The following TRAPPC9 variants were observed in gnomAD, a reference collection of about 807,000 sequenced individuals.
TRAPPC9 encodes the protein trafficking protein particle complex subunit 9, also known as IKK2 binding protein.
In TRAPPC9, 83 loss-of-function variants were observed where a neutral mutation model predicts 124.0. That is an observed-to-expected ratio of 0.67 (90% CI 0.56 to 0.80). The LOEUF (loss-of-function observed/expected upper bound fraction) is 0.80. Among genes scored for constraint, TRAPPC9 ranks in the 30% least tolerant of loss-of-function variants. TRAPPC9 has a pLI of 0.00. For synonymous variants in TRAPPC9, 638 were observed against 617.5 expected (o/e 1.03, Z -0.49); for missense variants, 1,302 against 1,508.3 (o/e 0.86, Z 2.27).
Position 140,084,018 on chromosome 8 carries a change from G to C in TRAPPC9, c.2557-59939C>G, listed in dbSNP as rs547195110. 2.0e-5 allele frequency among the ~76,000 whole-genome samples: 3 copies of C among 152,038 alleles called. No individual in the cohort carries two copies. In the East Asian group the frequency reaches 5.8e-4, roughly 29 times the overall value. On this transcript the variant is annotated intron_variant, in intron 17 of 22. Coordinates refer to ENST00000438773, the MANE Select transcript of TRAPPC9 (RefSeq NM_001160372.4). ...GATTCAGGATCTTGCTGTGTTGCTC[G>C]GACTAGAGTGCAGTGGCTGTTCACA...
chr8:140,441,693 T>C (rs1234158000), intron 2 of TRAPPC9, among the ~76,000 whole-genome samples: 2 of 152,000 alleles, frequency 1.3e-5, no homozygotes, highest in Non-Finnish European at 1.5e-5. Flanking sequence ...GCCTCCCAAG[T>C]AACTGGGACT....
chr8:139,929,971 C>T (rs7350100), intron 19 of TRAPPC9, among the ~76,000 whole-genome samples: 1 of 152,226 alleles, frequency 6.6e-6, no homozygotes, highest in Non-Finnish European at 1.5e-5. Context: ...GGAGCAGCAC[C>T]TGACACACAG....
intron 19 of TRAPPC9, among the ~76,000 whole-genome samples, chr8:139,950,981 C>T (rs2665917): frequency 0.36 from 54,799 of 152,018 alleles, 11,924 homozygotes; most frequent in Non-Finnish European, 0.48. Flanking sequence ...CCGAGGACAA[C>T]GCCCTGCCAA....
At chr8:140,320,933 A>T (rs771803627) in intron 9 of TRAPPC9, among the ~76,000 whole-genome samples, 11 of 152,200 alleles carry the variant, frequency 7.2e-5, no homozygotes, top group Non-Finnish European at 1.6e-4. Context: ...GCCCATTACG[A>T]GTACACCTGT....
At chr8:140,017,873 T>C (rs920470264) in intron 18 of TRAPPC9, among the ~76,000 whole-genome samples, 2 of 152,172 alleles carry the variant, frequency 1.3e-5, no homozygotes, top group Admixed American at 1.3e-4. Flanking sequence ...ATACAGAGTC[T>C]CGTTCTGTTG....
chr8:139,790,645 T>G (rs1028404370), intron 21 of TRAPPC9, among the ~76,000 whole-genome samples: 3 of 152,138 alleles, frequency 2.0e-5, no homozygotes, highest in African/African-American at 7.2e-5. Flanking sequence ...GTAGAGAGCA[T>G]GGACGCCGCT....
chr8:139,849,869 GGCTCA>G (rs1334804995), intron 21 of TRAPPC9, among the ~76,000 whole-genome samples: 1 of 152,216 alleles, frequency 6.6e-6, no homozygotes, highest in African/African-American at 2.4e-5. Context: ...ACTTCGCCCT[GGCTCA>G]GAACCAGTGT....
At chr8:139,991,541 G>A (rs1039161821) in intron 18 of TRAPPC9, among the ~76,000 whole-genome samples, 1 of 151,410 alleles carries the variant, frequency 6.6e-6, no homozygotes, top group African/African-American at 2.4e-5. Flanking sequence ...TAAGGCTGAT[G>A]CTCTGAGCAT....
chr8:140,248,279 C>G (rs2064034609), intron 16 of TRAPPC9, among the ~76,000 whole-genome samples: 1 of 152,226 alleles, frequency 6.6e-6, no homozygotes, highest in African/African-American at 2.4e-5. Flanking sequence ...CTTCTGCTAT[C>G]CCACCTCTGT....
chr8:140,169,684 C>T (rs938391910), intron 17 of TRAPPC9, among the ~76,000 whole-genome samples: 18 of 152,088 alleles, frequency 1.2e-4, no homozygotes, highest in African/African-American at 4.3e-4. Flanking sequence ...TATATGATTC[C>T]GTTTATAGGA....
rs148911743 is a variant in TRAPPC9 at position 140,369,016 on chromosome 8, C to T, written c.1351+1948G>A. Among the ~76,000 whole-genome samples the T allele has an allele frequency of 2.5e-4, 38 of 152,342 alleles. No individual in the cohort carries two copies. The East Asian group carries it at 6.7e-3, about 27-fold the overall frequency. Reference sequence around the variant, plus strand: ...ACAGTTCCATGGTGTGCGTGCCGTCCATGGCTGCTTTCACACCACAACAGC... The same window carrying T: ...ACAGTTCCATGGTGTGCGTGCCGTCTATGGCTGCTTTCACACCACAACAGC... On this transcript the variant is annotated intron_variant, in intron 8 of 22. Transcript: ENST00000438773.
At chr8:139,964,544 A>G (rs1227057487) in intron 19 of TRAPPC9, among the ~76,000 whole-genome samples, 4 of 152,158 alleles carry the variant, frequency 2.6e-5, no homozygotes, top group Non-Finnish European at 5.9e-5. Context: ...CAGGATCCTC[A>G]TCTGTGAGGC....
intron 19 of TRAPPC9, among the ~76,000 whole-genome samples, chr8:139,911,727 CT>C (rs61563614): frequency 1.4e-4 from 20 of 147,450 alleles, no homozygotes; most frequent in Admixed American, 2.0e-4. Context: ...AAAAGTAGGC[CT>C]TTTTTTTTTA....
chr8:139,952,342 G>A (rs752157760), intron 19 of TRAPPC9, among the ~76,000 whole-genome samples: 22 of 152,350 alleles, frequency 1.4e-4, no homozygotes, highest in Middle Eastern at 3.4e-3. Context: ...GTCAGGCTGA[G>A]TTCAGGTGAC....
At chr8:140,043,995 C>G (rs1377350353) in intron 17 of TRAPPC9, among the ~76,000 whole-genome samples, 2 of 152,196 alleles carry the variant, frequency 1.3e-5, no homozygotes, top group Non-Finnish European at 2.9e-5. Context: ...TGCAGGTAAG[C>G]AGACCGCCCC....
At chr8:139,750,867 G>A (rs1346124903) in intron 21 of TRAPPC9, among the ~76,000 whole-genome samples, 1 of 152,158 alleles carries the variant, frequency 6.6e-6, no homozygotes, top group African/African-American at 2.4e-5. Context: ...GCAGCAGCAG[G>A]TGACATCAGC....
intron 9 of TRAPPC9, among the ~76,000 whole-genome samples, chr8:140,345,574 T>G (rs923887268): frequency 2.0e-5 from 3 of 152,196 alleles, no homozygotes; most frequent in Non-Finnish European, 4.4e-5. Context: ...GTGGGACAGA[T>G]ATGTATTGGC....
At chr8:139,976,037 G>A (rs927932291) in intron 19 of TRAPPC9, among the ~76,000 whole-genome samples, 4 of 146,586 alleles carry the variant, frequency 2.7e-5, no homozygotes, top group Non-Finnish European at 4.5e-5. Flanking sequence ...GACTACAGGC[G>A]CCCGCCACCT....
At chr8:140,041,856 C>CAG (rs1394895974) in intron 17 of TRAPPC9, among the ~76,000 whole-genome samples, 1 of 152,048 alleles carries the variant, frequency 6.6e-6, no homozygotes, top group African/African-American at 2.4e-5. Flanking sequence ...CCTATAATCC[C>CAG]AGCTATTCAG....
Sources: gnomAD v4.1 joint callset for allele counts (sites outside exome capture counted in the v4.1 genomes callset) on GRCh38, gnomAD v4.1.1 for gene constraint, MANE v1.5 for transcripts, NCBI Gene and HGNC (gene_info 2026-07-23, HGNC 2026-07-21) for gene names.